MCPH1: variants seen among roughly 807,000 people sequenced by gnomAD.
MCPH1 encodes microcephalin.
Under a neutral mutation model 84.5 loss-of-function variants are expected in MCPH1, and 104 were observed. The observed-to-expected ratio is 1.23, with a 90% confidence interval of 1.05 to 1.45. MCPH1 has a LOEUF of 1.45. MCPH1 is among the 40% of genes most tolerant of loss of function. The probability of loss-of-function intolerance (pLI) is 0.00; values close to 1 mark genes in which losing one functional copy is unlikely to be tolerated. For synonymous variants in MCPH1, 514 were observed against 366.8 expected, an observed-to-expected ratio of 1.40 and a Z score of -4.58; for missense variants, 1,498 against 1,005.7, an observed-to-expected ratio of 1.49 and a Z score of -6.62.
intron 9 of MCPH1, among the ~76,000 whole-genome samples, chr8:6,464,071 G>T (rs1806574820): frequency 6.6e-6 from 1 of 152,184 alleles, no homozygotes; most frequent in South Asian, 2.1e-4. Flanking sequence ...GACACCCTTT[G>T]TAAATATCCA....
At chr8:6,473,110 T>A (rs1191517258) in intron 9 of MCPH1, among the ~76,000 whole-genome samples, 28 of 152,144 alleles carry the variant, frequency 1.8e-4, no homozygotes, top group Admixed American at 1.8e-3. Context: ...AGCCTTTATT[T>A]TTTAGGTGAA....
At chr8:6,600,458 A>G (rs1829268702) in intron 12 of MCPH1, among the ~76,000 whole-genome samples, 1 of 152,130 alleles carries the variant, frequency 6.6e-6, no homozygotes, top group African/African-American at 2.4e-5. Context: ...TACATTTACC[A>G]TTGCCACCAC....
chr8:6,549,218 A>G (rs949273770), intron 12 of MCPH1, among the ~76,000 whole-genome samples: 1 of 152,250 alleles, frequency 6.6e-6, no homozygotes, highest in Non-Finnish European at 1.5e-5. Context: ...ACAAATGTCA[A>G]TCTACAGCAG....
chr8:6,523,570 T>C (rs1817755661), intron 12 of MCPH1, among the ~76,000 whole-genome samples: 2 of 150,868 alleles, frequency 1.3e-5, no homozygotes, highest in African/African-American at 4.9e-5. Flanking sequence ...ACAGTCAAGG[T>C]ATTTGGCAGG....
chr8:6,546,099 A>C (rs1224217856), intron 12 of MCPH1, among the ~76,000 whole-genome samples: 1 of 152,174 alleles, frequency 6.6e-6, no homozygotes, highest in Non-Finnish European at 1.5e-5. Context: ...TTCTAACATC[A>C]CATTTCTGGT....
intron 12 of MCPH1, among the ~76,000 whole-genome samples, chr8:6,583,417 C>T (rs549725488): frequency 5.9e-5 from 9 of 152,302 alleles, no homozygotes; most frequent in Non-Finnish European, 1.0e-4. Flanking sequence ...CTGCAAGGCA[C>T]TGGCTGTGTA....
At chr8:6,590,530 G>C (rs1167689796) in intron 12 of MCPH1, among the ~76,000 whole-genome samples, 6 of 152,168 alleles carry the variant, frequency 3.9e-5, no homozygotes, top group African/African-American at 1.4e-4. Flanking sequence ...GCTGCTATCT[G>C]GGTTCTGGTT....
At chr8:6,570,673 A>T (rs1826580191) in intron 12 of MCPH1, among the ~76,000 whole-genome samples, 1 of 152,232 alleles carries the variant, frequency 6.6e-6, no homozygotes, top group African/African-American at 2.4e-5. Flanking sequence ...TTCATTGTTC[A>T]TGAGACTTCT....
intron 9 of MCPH1, among the ~76,000 whole-genome samples, chr8:6,468,705 T>G (rs1359934743): frequency 6.6e-6 from 1 of 151,934 alleles, no homozygotes; most frequent in Non-Finnish European, 1.5e-5. Context: ...CAGTAAGTAT[T>G]GAAAACTGAT....
At chr8:6,641,323 T>C (rs1797920627) in intron 13 of MCPH1, among the ~76,000 whole-genome samples, 1 of 152,212 alleles carries the variant, frequency 6.6e-6, no homozygotes, top group South Asian at 2.1e-4. Context: ...TGAATGACTT[T>C]AAACCCTGAG....
At chr8:6,529,487 T>C (rs1819036461) in intron 12 of MCPH1, among the ~76,000 whole-genome samples, 1 of 151,208 alleles carries the variant, frequency 6.6e-6, no homozygotes, top group East Asian at 1.9e-4. Flanking sequence ...AGTCTCACTC[T>C]GTTGCCCAGG....
At chr8:6,592,178 G>A (rs1828509519) in intron 12 of MCPH1, among the ~76,000 whole-genome samples, 1 of 151,974 alleles carries the variant, frequency 6.6e-6, no homozygotes, top group African/African-American at 2.4e-5. Context: ...TTTGAGACAG[G>A]ACCTTGTTCT....
chr8:6,440,915 G>C (rs936109760), intron 6 of MCPH1, among the ~76,000 whole-genome samples: 4 of 152,196 alleles, frequency 2.6e-5, no homozygotes, highest in African/African-American at 4.8e-5. Flanking sequence ...GGCAGCCAGG[G>C]CTGGGATGCC....
rs959872287 is a variant in MCPH1 at position 6,473,471 on chromosome 8, A to G, written c.1936-4123A>G. ...CTCGGCCTCCCAAGTAGCTGGGACT[A>G]TAGGTGCCCACCACCATGCCCGGCT... On this transcript the variant is annotated intron_variant, in intron 9 of 13. Coordinates refer to ENST00000344683, the MANE Select transcript of MCPH1 (RefSeq NM_024596.5). Among the ~76,000 whole-genome samples the G allele has an allele frequency of 5.3e-5, 8 of 151,862 alleles. 1 individual carries two copies. The highest frequency in any genetic ancestry group is 1.9e-4 in the East Asian group (1 of 5,168).
intron 12 of MCPH1, among the ~76,000 whole-genome samples, chr8:6,510,129 A>T (rs1814721657): frequency 6.6e-6 from 1 of 151,628 alleles, no homozygotes; most frequent in Non-Finnish European, 1.5e-5. Context: ...AAGGGAAGGG[A>T]GAAGACAATA....
chr8:6,544,011 C>G (rs1422047563), intron 12 of MCPH1, among the ~76,000 whole-genome samples: 1 of 152,154 alleles, frequency 6.6e-6, no homozygotes, highest in Non-Finnish European at 1.5e-5. Context: ...TAGATCTGAT[C>G]AGCAGTAGAA....
At chr8:6,609,503 C>T (rs1214310137) in intron 12 of MCPH1, among the ~76,000 whole-genome samples, 4 of 152,176 alleles carry the variant, frequency 2.6e-5, no homozygotes, top group Admixed American at 1.3e-4. Context: ...CCAAGTTTGG[C>T]GCTCATTGAG....
intron 8 of MCPH1, among the ~76,000 whole-genome samples, chr8:6,449,102 T>G (rs1379684799): frequency 6.6e-6 from 1 of 152,174 alleles, no homozygotes; most frequent in Non-Finnish European, 1.5e-5. Context: ...AAGATAGATT[T>G]TACGTATTTC....
rs772886224 is a variant in MCPH1, at chr8:6,444,518, T to C, written c.796T>C (p.Ser266Pro). The C allele has an allele frequency of 1.2e-6, 2 of 1,614,202 alleles. No individual in the cohort carries two copies. The highest frequency in any genetic ancestry group is 1.1e-5 in the South Asian group (1 of 91,074). The change falls in exon 8 of 14, where the codon TCA becomes CCA. Residue 266 changes from serine to proline, a missense_variant. By Grantham distance (74) the Ser-to-Pro change is moderately conservative. Transcript: ENST00000344683. ...CATTAAAAGTGATGTGTGTATTTCT[T>C]CACTTGTATTGAAAGCAAATAATAT... ...NDIKSDVCIS[S>P]LVLKANNIHS... is the part of the protein sequence containing the mutation.
Sources: gnomAD v4.1 joint callset for allele counts (sites outside exome capture counted in the v4.1 genomes callset) on GRCh38, gnomAD v4.1.1 for gene constraint, MANE v1.5 for transcripts, NCBI Gene and HGNC (gene_info 2026-07-23, HGNC 2026-07-21) for gene names.